Variants in TIA1 observed in about 807,000 individuals in gnomAD.
TIA1 encodes the protein cytotoxic granule associated RNA binding protein TIA1.
A neutral mutation model predicts 65.9 loss-of-function variants in TIA1; 23 were observed. That is an observed-to-expected ratio of 0.35 (90% confidence interval 0.25 to 0.49). The LOEUF (loss-of-function observed/expected upper bound fraction) is 0.49, where lower values mean the gene tolerates loss of function less well. TIA1 is among the 20% of genes least tolerant of loss of function. The pLI is 0.98. For synonymous variants in TIA1, 147 were observed against 149.4 expected (o/e 0.98, Z 0.12); for missense variants, 371 against 477.9 (o/e 0.78, Z 2.09).
intron 1 of TIA1, among the ~76,000 whole-genome samples, chr2:70,239,481 G>C (rs542368432): frequency 5.7e-4 from 87 of 152,266 alleles, no homozygotes; most frequent in African/African-American, 2.0e-3. Flanking sequence ...TATCAGTTCT[G>C]GAATCAGGGA....
chr2:70,225,431 T>TA, intron 6 of TIA1: 1 of 1,285,294 alleles, frequency 7.8e-7, no homozygotes, highest in Non-Finnish European at 1.0e-6. Flanking sequence ...TGAGATTGAG[T>TA]AAAAACCCAG....
chr2:70,236,592 C>T (rs1193003936), intron 1 of TIA1, among the ~76,000 whole-genome samples: 1 of 151,658 alleles, frequency 6.6e-6, no homozygotes. Flanking sequence ...CCCTGAGTAA[C>T]GGACTAGAGG....
intron 1 of TIA1, among the ~76,000 whole-genome samples, chr2:70,239,065 A>C (rs1573734793): frequency 6.6e-6 from 1 of 152,092 alleles, no homozygotes; most frequent in East Asian, 1.9e-4. Flanking sequence ...GCAAAACTCT[A>C]TCTCTAAAAA....
At chr2:70,225,804 G>A (rs543745013) in intron 6 of TIA1, among the ~76,000 whole-genome samples, 2 of 152,150 alleles carry the variant, frequency 1.3e-5, no homozygotes, top group African/African-American at 4.8e-5. Context: ...TCTCTTCTAC[G>A]CTGTAATTTG....
intron 1 of TIA1, 128 bp from the exon 2 acceptor site, chr2:70,236,303 A>G: frequency 1.8e-6 from 1 of 560,916 alleles, no homozygotes; most frequent in Non-Finnish European, 3.2e-6. Flanking sequence ...GGTTCAAGTG[A>G]TTCCCCTGCC....
At chr2:70,241,528 T>TA (rs1691716712) in intron 1 of TIA1, among the ~76,000 whole-genome samples, 1 of 152,328 alleles carries the variant, frequency 6.6e-6, no homozygotes, top group Admixed American at 6.5e-5. Flanking sequence ...CCAGGAAGTG[T>TA]AACTTAATCT....
chr2:70,238,589 A>T (rs1482347770), intron 1 of TIA1, among the ~76,000 whole-genome samples: 1 of 152,162 alleles, frequency 6.6e-6, no homozygotes, highest in Non-Finnish European at 1.5e-5. Flanking sequence ...TAGGTAAATT[A>T]TCAGTTGTTT....
intron 6 of TIA1, among the ~76,000 whole-genome samples, chr2:70,225,730 C>T (rs1683489096): frequency 6.6e-6 from 1 of 152,076 alleles, no homozygotes; most frequent in Non-Finnish European, 1.5e-5. Context: ...AGTCAATGTT[C>T]AATATGCAAA....
intron 5 of TIA1, chr2:70,228,711 G>A: frequency 1.0e-6 from 1 of 985,382 alleles, no homozygotes; most frequent in Non-Finnish European, 1.2e-6. Flanking sequence ...ATTTTGGATT[G>A]CTCTTTGGGA....
chr2:70,230,652 C>CAAAAAA, intron 3 of TIA1, 104 bp downstream of exon 3: 8 of 679,934 alleles, frequency 1.2e-5, no homozygotes, highest in Admixed American at 4.5e-5. Context: ...AATTTCATCT[C>CAAAAAA]AAAAAAAAAA....
rs1676439806 is a variant in TIA1, at chr2:70,211,352, G to A, written c.*1367C>T. On this transcript the variant is annotated 3_prime_UTR_variant, in exon 13 of 13. Transcript: ENST00000433529. Reference sequence around the variant, plus strand: ...AACTCCAGGAAAACAGGTACCAAACGAATCAAAATAATGATTGCACTGAGG... The same window carrying A: ...AACTCCAGGAAAACAGGTACCAAACAAATCAAAATAATGATTGCACTGAGG... 6.6e-6 allele frequency: 1 copy of A among 151,938 alleles called. No homozygotes were observed. Among genetic ancestry groups the A allele is most frequent in the Non-Finnish European group, 1.5e-5 (1 of 67,982 alleles). The allele number at this position is 151,938 out of a possible 1,614,324, so 9.4% of individuals were successfully genotyped here. A position where few individuals can be genotyped will look rare whatever the true frequency, so the allele number is the denominator to read the frequency against.
At chr2:70,236,648 G>T (rs189667729) in intron 1 of TIA1, among the ~76,000 whole-genome samples, 2 of 151,164 alleles carry the variant, frequency 1.3e-5, no homozygotes, top group African/African-American at 4.9e-5. Context: ...TTTTTTTTCA[G>T]ACAAGGTCTT....
At chr2:70,236,036 TA>T (rs368044526) in intron 2 of TIA1, 42 bp downstream of exon 2, 63,003 of 856,976 alleles carry the variant, frequency 0.074, 4 homozygotes, top group South Asian at 0.1. Context: ...AAGTAATGTG[TA>T]AAAAAAAAAA....
At chr2:70,232,784 G>A (rs979896284) in intron 2 of TIA1, among the ~76,000 whole-genome samples, 2 of 151,688 alleles carry the variant, frequency 1.3e-5, no homozygotes, top group Admixed American at 1.3e-4. Context: ...CAGGAGATTC[G>A]CTTGAACTCA....
Position 70,212,763 on chromosome 2 carries a change from T to C in TIA1, c.1117A>G (p.Asn373Asp), listed in dbSNP as rs1251696640. 1.2e-6 allele frequency: 2 copies of C among 1,614,046 alleles called. No individual in the cohort carries two copies. Among genetic ancestry groups the C allele is most frequent in the African/African-American group, 2.7e-5 (2 of 74,958 alleles). Residue 373 changes from asparagine (N) to aspartate (D), a missense_variant, in exon 13 of 13, where the codon AAT (asparagine) becomes GAT (aspartate). Coordinates refer to ENST00000433529, the MANE Select transcript of TIA1 (RefSeq NM_022173.4). ...PQGQNGSMLP[N>D]QPSGYRVAGY... Reference sequence around the variant, plus strand: ...GCCACTCGATACCCAGAAGGCTGATTGGGCAACATGCTGCCATTTTGCCCT... The same window carrying C: ...GCCACTCGATACCCAGAAGGCTGATCGGGCAACATGCTGCCATTTTGCCCT...
At position 70,210,851 on chromosome 2, in the gene TIA1, T is replaced by A. The variant is rs964818707; in HGVS notation, c.*1868A>T. On this transcript the variant is annotated 3_prime_UTR_variant, in exon 13 of 13. Coordinates refer to ENST00000433529, the MANE Select transcript of TIA1 (RefSeq NM_022173.4). The stretch of plus-strand genomic sequence containing the variant: ...TCCAAGTATTTAAAAAATTTACTCA[T>A]CTTCCATAAAGCGACTTTTAATGTA... 2 of 152,220 alleles carry A rather than the reference T, an allele frequency of 1.3e-5. No homozygotes were observed. The highest frequency in any genetic ancestry group is 2.9e-5 in the Non-Finnish European group (2 of 68,046). 9.4% of individuals were successfully genotyped at this position (152,220 alleles called of 1,614,324 possible).
At position 70,215,446 on chromosome 2, in the gene TIA1, A is replaced by T. The variant is rs1334267989; in HGVS notation, c.813T>A (p.Gly271=). Residue 271 remains glycine (G), a synonymous_variant, in exon 11 of 13, where the codon GGT becomes GGA. Coordinates refer to ENST00000433529, the MANE Select transcript of TIA1 (RefSeq NM_022173.4). The part of the protein sequence containing the change: ...SAAHAIVSVN[G]TTIEGHVVKC... ...TCACAACATGACCTTCAATGGTAGTACCATTAACAGAAACAATTGCATGTG... is the reference window on the plus strand; with the variant it reads ...TCACAACATGACCTTCAATGGTAGTTCCATTAACAGAAACAATTGCATGTG... 1 of 1,614,006 alleles carries T rather than the reference A, an allele frequency of 6.2e-7. No homozygotes were observed. The highest frequency in any genetic ancestry group is 8.5e-7 in the Non-Finnish European group (1 of 1,179,888).
intron 7 of TIA1, among the ~76,000 whole-genome samples, chr2:70,218,585 A>AT (rs1679743260): frequency 6.6e-6 from 1 of 151,340 alleles, no homozygotes; most frequent in African/African-American, 2.4e-5. Flanking sequence ...TTTTTTTTGT[A>AT]TTTTTTAGTA....
At chr2:70,235,320 CAGA>C (rs955757132) in intron 2 of TIA1, among the ~76,000 whole-genome samples, 6 of 152,036 alleles carry the variant, frequency 3.9e-5, no homozygotes, top group African/African-American at 1.5e-4. Context: ...GAGGCTGAGC[CAGA>C]AGAATTGCTT....
Sources: allele counts gnomAD v4.1 joint callset (sites outside exome capture counted in the v4.1 genomes callset), GRCh38; gene constraint gnomAD v4.1.1; transcripts MANE v1.5; gene names NCBI Gene and HGNC (gene_info 2026-07-23, HGNC 2026-07-21).